The following BRPF3 variants were observed in gnomAD, a reference collection of about 807,000 sequenced individuals.
The protein encoded by BRPF3 is bromodomain and PHD finger-containing protein 3.
In BRPF3, 18 loss-of-function variants were observed where a neutral mutation model predicts 102.0. The observed-to-expected ratio is 0.18, with a 90% CI of 0.12 to 0.26. The LOEUF (loss-of-function observed/expected upper bound fraction) is 0.26, where lower values mean the gene tolerates loss of function less well. BRPF3 is among the 10% of genes least tolerant of loss of function. The pLI, the probability that BRPF3 is intolerant of heterozygous loss-of-function variation, is 1.00. For synonymous variants in BRPF3, 570 were observed against 614.2 expected (o/e 0.93, Z 1.06); for missense variants, 1,147 against 1,567.8 (o/e 0.73, Z 4.53).
rs1768246918 is a variant in BRPF3, at chr6:36,214,303, A to C, written c.2906A>C (p.Glu969Ala). ...SPASPASIEE[E>A]RHSRKRPRSR... ...GCCTCTCCAGCCAGCATCGAGGAAG[A>C]GCGCCACTCCCGGAAGCGGCCAAGG... The change falls in exon 8 of 13, where the codon GAG becomes GCG. Residue 969 changes from glutamate to alanine, a missense_variant. Glu to Ala is a moderately radical substitution (Grantham distance 107). This residue lies in a region of BRPF3 where 379 missense variants were observed against 426.3 expected (regional missense o/e 0.89). Transcript: ENST00000357641. The C allele has an allele frequency of 6.2e-7, 1 of 1,613,860 alleles. No homozygotes were observed. The highest frequency in any genetic ancestry group is 1.7e-5 in the Admixed American group (1 of 60,006).
intron 3 of BRPF3, 71 bp downstream of exon 3, chr6:36,204,885 T>C: frequency 6.4e-7 from 1 of 1,571,622 alleles, no homozygotes; most frequent in Non-Finnish European, 8.6e-7. Flanking sequence ...ATGGTTGGGG[T>C]GGGGCTGGCA....
chr6:36,215,207 C>T (rs1768284977), intron 8 of BRPF3, among the ~76,000 whole-genome samples: 2 of 152,104 alleles, frequency 1.3e-5, no homozygotes, highest in African/African-American at 4.8e-5. Context: ...ACCTCTGCCT[C>T]CTGGGTTCAA....
At position 36,228,961 on chromosome 6, in the gene BRPF3, C is replaced by A. The variant is rs1158101589; in HGVS notation, c.3339C>A (p.Val1113=). Residue 1113 remains valine (V), a synonymous_variant, in exon 12 of 13, where the codon GTC becomes GTA. Coordinates refer to ENST00000357641, the MANE Select transcript of BRPF3 (RefSeq NM_015695.3). ...GLLHNGVPIP[V]PPLDVLKLGE... ...TGCACAATGGCGTTCCCATCCCTGT[C>A]CCCCCGCTGGACGTGCTGAAGCTGG... is the stretch of plus-strand genomic sequence containing the variant. 6.2e-6 allele frequency: 10 copies of A among 1,614,052 alleles called. No individual in the cohort carries two copies. Among genetic ancestry groups the A allele is most frequent in the Non-Finnish European group, 8.5e-6 (10 of 1,180,018 alleles).
chr6:36,222,318 A>G, intron 10 of BRPF3, 53 bp downstream of exon 10: 1 of 1,484,954 alleles, frequency 6.7e-7, no homozygotes, highest in Non-Finnish European at 9.2e-7. Flanking sequence ...CTGAGGAGCC[A>G]GCTCTTCAGG....
intron 11 of BRPF3, among the ~76,000 whole-genome samples, chr6:36,226,565 A>G (rs1768747413): frequency 6.6e-6 from 1 of 152,198 alleles, no homozygotes; most frequent in Non-Finnish European, 1.5e-5. Context: ...AAAACATCCT[A>G]GATGATCTGT....
At chr6:36,203,236 G>T (rs962096153) in intron 2 of BRPF3, among the ~76,000 whole-genome samples, 2 of 152,164 alleles carry the variant, frequency 1.3e-5, no homozygotes, top group Non-Finnish European at 2.9e-5. Flanking sequence ...TAGTACCTTT[G>T]TGACTTTTGG....
At chr6:36,202,461 C>G (rs138068217) in intron 2 of BRPF3, among the ~76,000 whole-genome samples, 1 of 142,314 alleles carries the variant, frequency 7.0e-6, no homozygotes, top group Admixed American at 7.2e-5. Flanking sequence ...CCCATGGTAC[C>G]TGTTTTAAAA....
intron 1 of BRPF3, among the ~76,000 whole-genome samples, chr6:36,199,896 C>T (rs1401781425): frequency 6.6e-6 from 1 of 152,162 alleles, no homozygotes; most frequent in Non-Finnish European, 1.5e-5. Context: ...GGGGATGCAG[C>T]AGTGAACAAG....
rs1002745259 is a variant in BRPF3, at chr6:36,222,255, C to T, written c.3171C>T (p.Tyr1057=). 1 of 1,549,738 alleles carries T rather than the reference C, an allele frequency of 6.5e-7. No individual in the cohort carries two copies. Among genetic ancestry groups the T allele is most frequent in the African/African-American group, 1.4e-5 (1 of 72,962 alleles). Reference sequence around the variant, plus strand: ...AAGGTGTGAACGGAGACTCTGACTACAATGGCTCAGGTGAGGAGCAGTGTT... The same window carrying T: ...AAGGTGTGAACGGAGACTCTGACTATAATGGCTCAGGTGAGGAGCAGTGTT... ...FLEGVNGDSD[Y]NGSGRSLLLP... Residue 1057 remains tyrosine, a synonymous_variant, in exon 10 of 13, where the codon TAC becomes TAT. Coordinates refer to ENST00000357641, the MANE Select transcript of BRPF3 (RefSeq NM_015695.3).
intron 7 of BRPF3, among the ~76,000 whole-genome samples, chr6:36,212,042 C>T (rs570724061): frequency 3.3e-5 from 5 of 152,130 alleles, no homozygotes; most frequent in Admixed American, 2.6e-4. Context: ...TTTTGAGCCA[C>T]CTCATGGTTT....
chr6:36,207,225 T>G, intron 3 of BRPF3, 88 bp from the exon 4 acceptor site: 1 of 1,531,780 alleles, frequency 6.5e-7, no homozygotes, highest in Non-Finnish European at 8.8e-7. Context: ...GACAAGACTT[T>G]TACCTGCTGC....
chr6:36,206,100 G>C (rs960269186), intron 3 of BRPF3, among the ~76,000 whole-genome samples: 1 of 152,130 alleles, frequency 6.6e-6, no homozygotes, highest in Non-Finnish European at 1.5e-5. Flanking sequence ...TCTTCATTCT[G>C]CAGCTCTCCT....
rs780087817 is a variant in BRPF3 at position 36,214,300 on chromosome 6, A to C, written c.2903A>C (p.Glu968Ala). 6 of 1,613,870 alleles carry C rather than the reference A, an allele frequency of 3.7e-6. No homozygotes were observed. In the Admixed American group the frequency reaches 1.0e-4, roughly 27 times the overall value. ...GSPASPASIE[E>A]ERHSRKRPRS... Reference sequence around the variant, plus strand: ...CCTGCCTCTCCAGCCAGCATCGAGGAAGAGCGCCACTCCCGGAAGCGGCCA... The same window carrying C: ...CCTGCCTCTCCAGCCAGCATCGAGGCAGAGCGCCACTCCCGGAAGCGGCCA... Residue 968 changes from glutamate (E) to alanine (A), a missense_variant, in exon 8 of 13, where the codon GAA becomes GCA. Transcript: ENST00000357641.
intron 3 of BRPF3, among the ~76,000 whole-genome samples, chr6:36,206,140 T>C (rs770455143): frequency 3.3e-5 from 5 of 152,230 alleles, no homozygotes; most frequent in Admixed American, 6.5e-5. Context: ...ATCTCAGCAA[T>C]AGCTTTCTAG....
Position 36,201,193 on chromosome 6 carries a change from G to T in BRPF3, c.871G>T (p.Val291Leu), listed in dbSNP as rs1767685550. 6.2e-7 allele frequency: 1 copy of T among 1,614,016 alleles called. No homozygotes were observed. Among genetic ancestry groups the T allele is most frequent in the Admixed American group, 1.7e-5 (1 of 59,998 alleles). ...QTSDGHWAHV[V>L]CAIWIPEVCF... is the part of the protein sequence containing the mutation. ...CAGTGATGGGCACTGGGCCCATGTG[G>T]TGTGTGCCATCTGGATCCCTGAAGT... The change falls in exon 2 of 13, where the codon GTG becomes TTG. Residue 291 changes from valine (V) to leucine (L), a missense_variant. This residue lies in a region of BRPF3 where 44 missense variants were observed against 101.4 expected (regional missense o/e 0.43). Transcript: ENST00000357641. This position sits in a 1 kb window ranked among gnomAD's most constrained non-coding sequence, Gnocchi z 5.1.
chr6:36,218,685 C>A (rs1043481848), intron 9 of BRPF3, among the ~76,000 whole-genome samples: 1 of 152,124 alleles, frequency 6.6e-6, no homozygotes, highest in Non-Finnish European at 1.5e-5. Flanking sequence ...TCTTGAACTC[C>A]TGACCTCAAG....
chr6:36,208,175 A>G (rs1292434933), intron 4 of BRPF3, among the ~76,000 whole-genome samples: 1 of 152,246 alleles, frequency 6.6e-6, no homozygotes, highest in Non-Finnish European at 1.5e-5. Flanking sequence ...GAGAAATGTC[A>G]GCTGCTGTCA....
At chr6:36,204,355 C>T (rs1581949054) in intron 2 of BRPF3, 1 of 373,350 alleles carries the variant, frequency 2.7e-6, no homozygotes, top group Admixed American at 4.2e-5. Context: ...GCTTGTTTTT[C>T]AGTCCGTACG....
chr6:36,197,986 C>T (rs146095845), intron 1 of BRPF3, among the ~76,000 whole-genome samples: 208 of 152,140 alleles, frequency 1.4e-3, no homozygotes, highest in African/African-American at 4.5e-3. Flanking sequence ...TGTTTGGGGT[C>T]GGTGTGGAGG....
Sources: gnomAD v4.1 joint callset for allele counts (sites outside exome capture counted in the v4.1 genomes callset) on GRCh38, gnomAD v4.1.1 for gene constraint, gnomAD v4.1.1 regional missense constraint, Gnocchi (gnomAD v3.1) non-coding constraint, MANE v1.5 for transcripts, NCBI Gene and HGNC (gene_info 2026-07-23, HGNC 2026-07-21) for gene names.